Variants in AUTS2 observed in about 807,000 individuals in gnomAD.
AUTS2 encodes the protein autism susceptibility gene 2 protein.
Under a neutral mutation model 112.4 loss-of-function variants are expected in AUTS2, and 17 were observed. The ratio of observed to expected loss-of-function variants is 0.15; its 90% CI spans 0.10 to 0.23. The LOEUF (loss-of-function observed/expected upper bound fraction) is 0.23. Ranked by LOEUF, AUTS2 falls within the 10% of genes least tolerant of loss-of-function variation. AUTS2 has a pLI of 1.00. For synonymous variants in AUTS2, 751 were observed against 702.7 expected (o/e 1.07, Z -1.09); for missense variants, 1,510 against 1,701.6 (o/e 0.89, Z 1.98).
intron 4 of AUTS2, among the ~76,000 whole-genome samples, chr7:70,246,068 C>T (rs1179525934): frequency 6.6e-6 from 1 of 151,954 alleles, no homozygotes; most frequent in Non-Finnish European, 1.5e-5. Flanking sequence ...TTTTCTTATT[C>T]AGTTATAAGA....
At chr7:70,214,597 C>A (rs1270414352) in intron 4 of AUTS2, among the ~76,000 whole-genome samples, 1 of 152,010 alleles carries the variant, frequency 6.6e-6, no homozygotes, top group African/African-American at 2.4e-5. Context: ...GAATGTGCAC[C>A]CTGTTTGAAT....
At chr7:70,622,068 C>G (rs1265326004) in intron 5 of AUTS2, among the ~76,000 whole-genome samples, 1 of 151,780 alleles carries the variant, frequency 6.6e-6, no homozygotes, top group African/African-American at 2.4e-5. Context: ...AAACTCCTGA[C>G]TTCAGGTGAT....
chr7:70,115,040 GT>G (rs1055004049), intron 2 of AUTS2, among the ~76,000 whole-genome samples: 1 of 152,144 alleles, frequency 6.6e-6, no homozygotes, highest in South Asian at 2.1e-4. Flanking sequence ...TCACTGAAGT[GT>G]TTTTTGCTGG....
chr7:70,597,536 G>GCAAT (rs1449355024), intron 5 of AUTS2, among the ~76,000 whole-genome samples: 27 of 152,344 alleles, frequency 1.8e-4, no homozygotes, highest in Non-Finnish European at 2.9e-4. Context: ...GAGTGAGTAT[G>GCAAT]TAGGTGTGCA....
chr7:70,781,401 T>G, intron 14 of AUTS2: 1 of 451,820 alleles, frequency 2.2e-6, no homozygotes, highest in Non-Finnish European at 3.8e-6. Flanking sequence ...CAAACACTAG[T>G]GTTGTCACTA....
intron 1 of AUTS2, among the ~76,000 whole-genome samples, chr7:69,847,169 C>G (rs540294872): frequency 6.6e-6 from 1 of 152,250 alleles, no homozygotes; most frequent in Admixed American, 6.5e-5. Context: ...CTTAATAGAA[C>G]ATACGACGTA....
chr7:70,742,968 T>C (rs1314664136), intron 6 of AUTS2, among the ~76,000 whole-genome samples: 1 of 152,214 alleles, frequency 6.6e-6, no homozygotes, highest in Admixed American at 6.5e-5. Flanking sequence ...ACTTAGCTAG[T>C]GGTAAAGCCA....
intron 4 of AUTS2, among the ~76,000 whole-genome samples, chr7:70,220,315 T>C (rs1460709968): frequency 6.6e-6 from 1 of 152,222 alleles, no homozygotes; most frequent in Non-Finnish European, 1.5e-5. Context: ...GGTGTGGATT[T>C]GGCCTACAGG....
chr7:70,642,703 T>C (rs1805905270), intron 5 of AUTS2, among the ~76,000 whole-genome samples: 1 of 152,228 alleles, frequency 6.6e-6, no homozygotes, highest in Non-Finnish European at 1.5e-5. Context: ...CAACTTTTTG[T>C]GCATCTGAGT....
intron 4 of AUTS2, among the ~76,000 whole-genome samples, chr7:70,349,575 C>T (rs935884701): frequency 6.6e-6 from 1 of 152,046 alleles, no homozygotes; most frequent in South Asian, 2.1e-4. Context: ...CAGAGGTTAG[C>T]GCCTTCTTTG....
chr7:70,545,174 G>GA (rs1351193302), intron 5 of AUTS2, among the ~76,000 whole-genome samples: 2 of 152,220 alleles, frequency 1.3e-5, no homozygotes, highest in Non-Finnish European at 2.9e-5. Context: ...GGAAGAAAGG[G>GA]AAAGTCCCAC....
chr7:70,179,832 A>G (rs1234138710), intron 4 of AUTS2, among the ~76,000 whole-genome samples: 1 of 152,148 alleles, frequency 6.6e-6, no homozygotes, highest in African/African-American at 2.4e-5. Flanking sequence ...GAAGGGGATT[A>G]TTTCTGGGTG....
chr7:70,656,596 G>GA lies in AUTS2; in HGVS notation c.691-41972dup, dbSNP rs1806781209. ...CCATAACTATTATCTGCATTTGACG[G>GA]ATGAAGAAATAAGGGTATAAGAGCT... is the stretch of plus-strand genomic sequence containing the variant. On this transcript the variant is annotated intron_variant, in intron 5 of 18. Transcript: ENST00000342771. 2.0e-5 allele frequency among the ~76,000 whole-genome samples: 3 copies of GA among 152,294 alleles called. No homozygotes were observed. The South Asian group carries it at 6.2e-4, about 32-fold the overall frequency.
At chr7:70,187,775 C>CTTTTTTTTTTTTTTT (rs71077627) in intron 4 of AUTS2, among the ~76,000 whole-genome samples, 2 of 110,308 alleles carry the variant, frequency 1.8e-5, no homozygotes, top group African/African-American at 3.5e-5. Flanking sequence ...AACTAGTCTT[C>CTTTTTTTTTTTTTTT]TTTTTTTTTT....
chr7:70,355,512 C>T (rs546286102), intron 4 of AUTS2, among the ~76,000 whole-genome samples: 33 of 152,248 alleles, frequency 2.2e-4, no homozygotes, highest in South Asian at 2.1e-4. Context: ...CCTTTGCCTT[C>T]CTTTCCAATC....
At chr7:70,523,836 G>C (rs1234976448) in intron 5 of AUTS2, among the ~76,000 whole-genome samples, 1 of 152,184 alleles carries the variant, frequency 6.6e-6, no homozygotes, top group African/African-American at 2.4e-5. Flanking sequence ...GAGCACTCCA[G>C]GCGAAAACCG....
At chr7:70,780,284 G>C (rs1790983371) in intron 14 of AUTS2, among the ~76,000 whole-genome samples, 1 of 152,162 alleles carries the variant, frequency 6.6e-6, no homozygotes, top group Non-Finnish European at 1.5e-5. Context: ...GATGCCAGGG[G>C]AAAAGATTGA....
rs75300640 is a variant in AUTS2 at position 69,804,634 on chromosome 7, C to A, written c.310-94652C>A. Among the ~76,000 whole-genome samples, 447 of 152,322 alleles carry A rather than the reference C, an allele frequency of 2.9e-3. 5 individuals are homozygous for A. The highest frequency in any genetic ancestry group is 0.01 in the African/African-American group (433 of 41,570). On this transcript the variant is annotated intron_variant, in intron 1 of 18. Coordinates refer to ENST00000342771, the MANE Select transcript of AUTS2 (RefSeq NM_015570.4). ...GATCTATTAGTTTTATTCCTGTTGA[C>A]AGCCAAAATGTAGGATCATGAACCC...
intron 5 of AUTS2, among the ~76,000 whole-genome samples, chr7:70,648,653 C>T (rs1200321884): frequency 6.6e-6 from 1 of 152,148 alleles, no homozygotes; most frequent in Non-Finnish European, 1.5e-5. Context: ...GTAATCTTGG[C>T]TCACTGCGAC....
Sources: gnomAD v4.1 joint callset for allele counts (sites outside exome capture counted in the v4.1 genomes callset) on GRCh38, gnomAD v4.1.1 for gene constraint, MANE v1.5 for transcripts, NCBI Gene and HGNC (gene_info 2026-07-23, HGNC 2026-07-21) for gene names.